Variants in EDEM3 observed in about 807,000 individuals in gnomAD.
EDEM3 encodes the protein ER degradation enhancing alpha-mannosidase like protein 3, also known as ER degradation-enhancing alpha-mannosidase-like protein 3.
A neutral mutation model predicts 110.2 loss-of-function variants in EDEM3; 60 were observed. That is an observed-to-expected ratio of 0.54 (90% CI 0.44 to 0.67). The LOEUF (loss-of-function observed/expected upper bound fraction) is 0.67. EDEM3 is among the 30% of genes least tolerant of loss of function. EDEM3 has a pLI of 0.00. For synonymous variants in EDEM3, 352 were observed against 382.9 expected, an observed-to-expected ratio of 0.92 and a Z score of 0.94; for missense variants, 996 against 1,121.0, an observed-to-expected ratio of 0.89 and a Z score of 1.59.
intron 2 of EDEM3, among the ~76,000 whole-genome samples, chr1:184,738,254 A>G (rs1473457682): frequency 1.3e-5 from 2 of 152,216 alleles, no homozygotes; most frequent in African/African-American, 4.8e-5. Flanking sequence ...TAATTGTCAC[A>G]ATGCTCTGAA....
At chr1:184,701,540 T>A (rs941727136) in intron 19 of EDEM3, 9 of 1,281,478 alleles carry the variant, frequency 7.0e-6, no homozygotes, top group Non-Finnish European at 9.1e-6. Flanking sequence ...CTTTTAATAT[T>A]GCTGCTGAAA....
chr1:184,728,929 G>A (rs1273031540), intron 6 of EDEM3, among the ~76,000 whole-genome samples: 1 of 152,058 alleles, frequency 6.6e-6, no homozygotes. Context: ...ACTTTTAAAT[G>A]CAGAACCAAG....
intron 1 of EDEM3, among the ~76,000 whole-genome samples, chr1:184,752,376 T>C (rs182737313): frequency 1.3e-3 from 200 of 152,278 alleles, no homozygotes; most frequent in African/African-American, 4.6e-3. Context: ...CTTTAAAAAA[T>C]GCACAGGTAA....
intron 17 of EDEM3, among the ~76,000 whole-genome samples, chr1:184,707,625 T>C (rs115260611): frequency 1.3e-5 from 2 of 152,324 alleles, no homozygotes; most frequent in Non-Finnish European, 2.9e-5. Flanking sequence ...TGCAATCAAT[T>C]AGTTAGATAA....
chr1:184,710,203 T>G (rs113037404), intron 16 of EDEM3, among the ~76,000 whole-genome samples, 191 bp downstream of exon 16: 13 of 152,344 alleles, frequency 8.5e-5, no homozygotes, highest in African/African-American at 3.1e-4. Context: ...TTTATTTAAT[T>G]GATTTATACT....
intron 19 of EDEM3, among the ~76,000 whole-genome samples, chr1:184,701,798 T>G (rs1181024526): frequency 6.6e-6 from 1 of 152,090 alleles, no homozygotes; most frequent in Non-Finnish European, 1.5e-5. Context: ...ACTCCATTGC[T>G]CATAAATAAT....
At chr1:184,717,216 T>C (rs1038910700) in intron 12 of EDEM3, among the ~76,000 whole-genome samples, 1 of 152,054 alleles carries the variant, frequency 6.6e-6, no homozygotes, top group Non-Finnish European at 1.5e-5. Context: ...AAAATTTAAC[T>C]ATATAACCTT....
intron 6 of EDEM3, among the ~76,000 whole-genome samples, chr1:184,731,010 A>G (rs1056925288): frequency 2.0e-5 from 3 of 152,188 alleles, no homozygotes; most frequent in Admixed American, 6.5e-5. Flanking sequence ...GTTAAGGGAC[A>G]CTCAATACAA....
intron 6 of EDEM3, among the ~76,000 whole-genome samples, chr1:184,731,531 C>G (rs1395483245): frequency 2.0e-5 from 3 of 152,156 alleles, no homozygotes; most frequent in Admixed American, 6.5e-5. Context: ...CTGTACACTA[C>G]ACTACTTCAC....
At position 184,716,973 on chromosome 1, in the gene EDEM3, G is replaced by C. The variant is rs761656260; in HGVS notation, c.1285C>G (p.Leu429Val). Reference protein sequence around the residue: ...DPYYLEVGKTLIENLNKYARV... With the variant: ...DPYYLEVGKTVIENLNKYARV... ...GCATATTTATTTAAATTTTCAATAA[G>C]TGTCTTCCCTACTTCAAGGTAGTAA... The change falls in exon 13 of 20, where the codon CTT (leucine) becomes GTT (valine). Residue 429 changes from leucine (L) to valine (V), a missense_variant. Leu to Val is a conservative substitution (Grantham distance 32). Coordinates refer to ENST00000318130, the MANE Select transcript of EDEM3 (RefSeq NM_025191.4). 1.9e-6 allele frequency: 3 copies of C among 1,612,626 alleles called. No homozygotes were observed. The highest frequency in any genetic ancestry group is 2.5e-6 in the Non-Finnish European group (3 of 1,178,962).
intron 9 of EDEM3, among the ~76,000 whole-genome samples, chr1:184,719,826 C>A (rs1473260579): frequency 1.3e-5 from 2 of 152,338 alleles, no homozygotes; most frequent in South Asian, 2.1e-4. Flanking sequence ...AAAAATGGAA[C>A]TGAACATCTC....
intron 2 of EDEM3, among the ~76,000 whole-genome samples, chr1:184,747,020 C>CAAA (rs34429442): frequency 7.5e-6 from 1 of 132,952 alleles, no homozygotes; most frequent in Non-Finnish European, 1.7e-5. Flanking sequence ...TGATCAAATG[C>CAAA]AAAAAAAAAA....
intron 2 of EDEM3, 34 bp downstream of exon 2, chr1:184,749,513 A>G: frequency 6.8e-7 from 1 of 1,471,020 alleles, no homozygotes; most frequent in Non-Finnish European, 9.3e-7. Flanking sequence ...ATCAACTCAC[A>G]TAAATGGTAG....
In EDEM3 at chr1:184,734,550, T is replaced by C. The variant is rs1344568328; in HGVS notation, c.439A>G (p.Thr147Ala). The C allele has an allele frequency of 1.6e-5, 24 of 1,500,728 alleles. No homozygotes were observed. Among genetic ancestry groups the C allele is most frequent in the Non-Finnish European group, 2.1e-5 (24 of 1,119,822 alleles). The allele number at this position is 1,500,728 out of a possible 1,614,324, so 93.0% of individuals were successfully genotyped here. The change falls in exon 5 of 20, where the codon ACA (threonine) becomes GCA (alanine). Residue 147 changes from threonine (T) to alanine (A), a missense_variant. Thr to Ala is a moderately conservative substitution (Grantham distance 58). Transcript: ENST00000318130. ...ACTTACCCAAGAACTCTGATGTTTGTTTCAAAGACTGATACGACTACATCG... is the reference window on the plus strand; with the variant it reads ...ACTTACCCAAGAACTCTGATGTTTGCTTCAAAGACTGATACGACTACATCG... Reference protein sequence around the residue: ...DNDVVVSVFETNIRVLGGLLG... With the variant: ...DNDVVVSVFEANIRVLGGLLG...
chr1:184,754,472 G>A lies in EDEM3; in HGVS notation c.158+17C>T. 5.6e-6 allele frequency: 9 copies of A among 1,612,576 alleles called. No individual in the cohort carries two copies. Among genetic ancestry groups the A allele is most frequent in the Non-Finnish European group, 7.6e-6 (9 of 1,179,500 alleles). ...AGCCTCACCGAGAAACCCACCCCAG[G>A]CTGCCAGCACCCTTACCCAAGCTTC... On this transcript the variant is annotated intron_variant, in intron 1 of 19. Coordinates refer to ENST00000318130, the MANE Select transcript of EDEM3 (RefSeq NM_025191.4).
chr1:184,733,276 C>T (rs1400386746), intron 5 of EDEM3, among the ~76,000 whole-genome samples: 3 of 152,124 alleles, frequency 2.0e-5, no homozygotes, highest in Admixed American at 1.3e-4. Context: ...TTTAACAAAT[C>T]TAACAAATAT....
At chr1:184,697,877 T>C (rs1176408477) in intron 19 of EDEM3, among the ~76,000 whole-genome samples, 2 of 151,538 alleles carry the variant, frequency 1.3e-5, no homozygotes, top group Admixed American at 1.3e-4. Flanking sequence ...AGATGACATG[T>C]TGGGAAAATT....
At chr1:184,727,034 G>A (rs754079591) in intron 6 of EDEM3, among the ~76,000 whole-genome samples, 11 of 152,228 alleles carry the variant, frequency 7.2e-5, no homozygotes, top group Non-Finnish European at 1.3e-4. Context: ...GCTCATGCCT[G>A]TAATCCCAGC....
intron 2 of EDEM3, among the ~76,000 whole-genome samples, chr1:184,743,675 T>C (rs1652262972): frequency 6.6e-6 from 1 of 152,112 alleles, no homozygotes; most frequent in Admixed American, 6.6e-5. Context: ...TTAAACTGCC[T>C]GAGTTCAGGA....
Sources: allele counts gnomAD v4.1 joint callset (sites outside exome capture counted in the v4.1 genomes callset), GRCh38; gene constraint gnomAD v4.1.1; transcripts MANE v1.5; gene names NCBI Gene and HGNC (gene_info 2026-07-23, HGNC 2026-07-21).